FGF23: variants seen among roughly 807,000 people sequenced by gnomAD.
FGF23 encodes phosphatonin.
In FGF23, 8 loss-of-function variants were observed where a neutral mutation model predicts 9.0. The observed-to-expected ratio is 0.89, with a 90% CI of 0.52 to 1.60. The LOEUF (loss-of-function observed/expected upper bound fraction) is 1.60. Among genes scored for constraint, FGF23 ranks in the 40% most tolerant of loss-of-function variants. The pLI is 0.00. For synonymous variants in FGF23, 118 were observed against 146.2 expected, an observed-to-expected ratio of 0.81 and a Z score of 1.39; for missense variants, 311 against 344.3, an observed-to-expected ratio of 0.90 and a Z score of 0.77.
chr12:4,370,955 C>T (rs1488356410), intron 2 of FGF23, among the ~76,000 whole-genome samples, 172 bp from the exon 3 acceptor site: 1 of 152,184 alleles, frequency 6.6e-6, no homozygotes, highest in African/African-American at 2.4e-5. Flanking sequence ...TTGATTAATG[C>T]TCAAGCCCTG....
At chr12:4,372,979 T>C (rs1222287406) in intron 1 of FGF23, among the ~76,000 whole-genome samples, 1 of 152,220 alleles carries the variant, frequency 6.6e-6, no homozygotes, top group Non-Finnish European at 1.5e-5. Flanking sequence ...TGAACACATG[T>C]TTCTCTCTCT....
At chr12:4,375,151 T>C (rs1311949349) in intron 1 of FGF23, among the ~76,000 whole-genome samples, 1 of 152,118 alleles carries the variant, frequency 6.6e-6, no homozygotes, top group Non-Finnish European at 1.5e-5. Context: ...GCCTACTTCA[T>C]AGGGTGATGA....
intron 2 of FGF23, among the ~76,000 whole-genome samples, chr12:4,371,642 G>A (rs1053090886): frequency 2.6e-5 from 4 of 152,194 alleles, no homozygotes; most frequent in African/African-American, 9.7e-5. Flanking sequence ...CAATCCGAAT[G>A]AATAGCTATC....
chr12:4,379,420 T>A lies in FGF23; in HGVS notation c.163A>T (p.Ile55Phe). 1 of 1,613,486 alleles carries A rather than the reference T, an allele frequency of 6.2e-7. No homozygotes were observed. Among genetic ancestry groups the A allele is most frequent in the Non-Finnish European group, 8.5e-7 (1 of 1,180,036 alleles). The change falls in exon 1 of 3, where the codon ATC becomes TTC. Residue 55 changes from isoleucine to phenylalanine, a missense_variant. By Grantham distance (21) the Ile-to-Phe change is conservative. Around this residue, in one of 3 missense-constraint regions of FGF23, gnomAD observed 102 missense variants for 108.2 expected, o/e 0.94. Coordinates refer to ENST00000237837, the MANE Select transcript of FGF23 (RefSeq NM_020638.3). ...CCATCCACATGGCCATTCTTGTGGA[T>A]CTGCAGGTGGTAGCTGTTCCTGGCT... ...ATARNSYHLQ[I>F]HKNGHVDGAP...
rs1392695987 is a variant in FGF23 at position 4,370,055 on chromosome 12, G to A, written c.*288C>T. ...CACAAGGAAGAGAAATATGTTGGGA[G>A]AGACCCCTTCTCTCTACCTTCATGA... On this transcript the variant is annotated 3_prime_UTR_variant, in exon 3 of 3. Transcript: ENST00000237837. 6.0e-6 allele frequency: 2 copies of A among 330,764 alleles called. No individual in the cohort carries two copies. The highest frequency in any genetic ancestry group is 1.1e-5 in the Non-Finnish European group (2 of 181,990). The allele number at this position is 330,764 out of a possible 1,614,324, so 20.5% of individuals were successfully genotyped here. A position where few individuals can be genotyped will look rare whatever the true frequency, so the allele number is the denominator to read the frequency against.
rs763245424 is a variant in FGF23 at position 4,370,311 on chromosome 12, G to A, written c.*32C>T. The A allele has an allele frequency of 6.3e-7, 1 of 1,599,630 alleles. No homozygotes were observed. Among genetic ancestry groups the A allele is most frequent in the South Asian group, 1.1e-5 (1 of 90,866 alleles). On this transcript the variant is annotated 3_prime_UTR_variant, in exon 3 of 3. Transcript: ENST00000237837. ...TTGGGAAGAGCTGCGTTTGCTGAGG[G>A]ATGGGTTAAAGAGGGTGCCCTTCCA...
chr12:4,375,870 G>T (rs752012031), intron 1 of FGF23, among the ~76,000 whole-genome samples: 1 of 152,108 alleles, frequency 6.6e-6, no homozygotes, highest in African/African-American at 2.4e-5. Context: ...TTACCACTTT[G>T]CTTCAACCTC....
chr12:4,372,570 G>A (rs1394556064), intron 2 of FGF23, 24 bp downstream of exon 2: 2 of 1,389,716 alleles, frequency 1.4e-6, no homozygotes, highest in Non-Finnish European at 2.1e-6. Flanking sequence ...TGCAAATGGT[G>A]ACCAACACAA....
intron 1 of FGF23, among the ~76,000 whole-genome samples, chr12:4,375,359 C>T (rs367587510): frequency 9.9e-5 from 15 of 152,244 alleles, no homozygotes; most frequent in African/African-American, 2.9e-4. Flanking sequence ...AGAAAACATC[C>T]GGCGGTGGTT....
intron 1 of FGF23, among the ~76,000 whole-genome samples, chr12:4,379,052 A>T (rs1284292579): frequency 6.6e-6 from 1 of 151,906 alleles, no homozygotes; most frequent in African/African-American, 2.4e-5. Flanking sequence ...CTTTCTGTAC[A>T]TTTTTTCAAT....
At chr12:4,379,098 T>C (rs771970543) in intron 1 of FGF23, among the ~76,000 whole-genome samples, 1 of 152,104 alleles carries the variant, frequency 6.6e-6, no homozygotes, top group Non-Finnish European at 1.5e-5. Flanking sequence ...GCTCCTACTG[T>C]GGGAAGGGTT....
At chr12:4,376,116 C>T (rs13312769) in intron 1 of FGF23, among the ~76,000 whole-genome samples, 93 of 152,322 alleles carry the variant, frequency 6.1e-4, no homozygotes, top group African/African-American at 2.1e-3. Context: ...GCATCTCTCT[C>T]TTGCTGTTTC....
intron 1 of FGF23, among the ~76,000 whole-genome samples, chr12:4,378,722 TTGGATGGATGGATGGA>T (rs60445368): frequency 0.032 from 4,754 of 148,314 alleles, 273 homozygotes; most frequent in African/African-American, 0.11. Flanking sequence ...ATTAAACCTG[TTGGATGGATGGATGGA>T]TGGATGGATG....
At chr12:4,377,740 C>G (rs537365922) in intron 1 of FGF23, among the ~76,000 whole-genome samples, 2 of 150,956 alleles carry the variant, frequency 1.3e-5, no homozygotes, top group Non-Finnish European at 2.9e-5. Flanking sequence ...CACATATAGT[C>G]TTGAATTAGA....
chr12:4,371,321 A>G (rs774864201), intron 2 of FGF23, among the ~76,000 whole-genome samples: 4 of 152,226 alleles, frequency 2.6e-5, no homozygotes, highest in Non-Finnish European at 5.9e-5. Flanking sequence ...CTCAAGCTCC[A>G]CAAAGTAAGC....
rs3045697 is a variant in FGF23 at position 4,379,201 on chromosome 12, GCA to G, written c.211+169_211+170del. Among the ~76,000 whole-genome samples the G allele has an allele frequency of 0.97, 145,577 of 150,736 alleles. 70,334 individuals are homozygous for G. Among genetic ancestry groups the G allele is most frequent in the East Asian group, 1 (5,135 of 5,144 alleles). On this transcript the variant is annotated intron_variant, in intron 1 of 2. Transcript: ENST00000237837. ...CTTCCCCTAAGTTTTAAATACACAC[GCA>G]CACACACACACACACAAACACACAC...
rs773591533 is a variant in FGF23, at chr12:4,370,770, G to T, written c.329C>A (p.Pro110Gln). 1 of 1,614,014 alleles carries T rather than the reference G, an allele frequency of 6.2e-7. No homozygotes were observed. Among genetic ancestry groups the T allele is most frequent in the African/African-American group, 1.3e-5 (1 of 75,040 alleles). Residue 110 changes from proline to glutamine, a missense_variant, in exon 3 of 3, where the codon CCG (proline) becomes CAG (glutamine). Physicochemically the swap from Pro to Gln is moderately conservative, Grantham distance 76 (BLOSUM62 -1). This residue lies in a region of FGF23 where 206 missense variants were observed against 219.2 expected (regional missense o/e 0.94). Coordinates refer to ENST00000237837, the MANE Select transcript of FGF23 (RefSeq NM_020638.3). Reference protein sequence around the residue: ...GNIFGSHYFDPENCRFQHQTL... With the variant: ...GNIFGSHYFDQENCRFQHQTL... ...CTGGTGTTGGAACCTGCAGTTCTCCGGGTCGAAATAGTGCTGGAAGGACAA... is the reference window on the plus strand; with the variant it reads ...CTGGTGTTGGAACCTGCAGTTCTCCTGGTCGAAATAGTGCTGGAAGGACAA...
In FGF23 at chr12:4,369,259, G is replaced by A. The variant is rs917697062; in HGVS notation, c.*1084C>T. The A allele has an allele frequency of 7.3e-5, 17 of 231,330 alleles. No individual in the cohort carries two copies. In the East Asian group the frequency reaches 9.8e-4, roughly 13 times the overall value. The allele number at this position is 231,330 out of a possible 1,614,324, so 14.3% of individuals were successfully genotyped here. On this transcript the variant is annotated 3_prime_UTR_variant, in exon 3 of 3. Coordinates refer to ENST00000237837, the MANE Select transcript of FGF23 (RefSeq NM_020638.3). Reference sequence around the variant, plus strand: ...TGTCCCCTGATTTCTTTCCCCCTGAGTCCTTGATGCCACTTCATTTAGAGA... The same window carrying A: ...TGTCCCCTGATTTCTTTCCCCCTGAATCCTTGATGCCACTTCATTTAGAGA...
chr12:4,375,794 A>G lies in FGF23; in HGVS notation c.212-3097T>C, dbSNP rs530112146. On this transcript the variant is annotated intron_variant, in intron 1 of 2. Transcript: ENST00000237837. ...ACATTTACCTCATTTGGTCATCTTG[A>G]AGACATAATGAGATAATGTTTTTAT... Among the ~76,000 whole-genome samples the G allele has an allele frequency of 3.9e-5, 6 of 152,340 alleles. No individual in the cohort carries two copies. The South Asian group carries it at 1.2e-3, about 32-fold the overall frequency.
Sources: allele counts gnomAD v4.1 joint callset (sites outside exome capture counted in the v4.1 genomes callset), GRCh38; gene constraint gnomAD v4.1.1; regional missense constraint gnomAD v4.1.1; transcripts MANE v1.5; gene names NCBI Gene and HGNC (gene_info 2026-07-23, HGNC 2026-07-21).